DNAJB6: variants seen among roughly 807,000 people sequenced by gnomAD.
DNAJB6 encodes dnaJ homolog subfamily B member 6.
DNAJB6 carries 16 observed loss-of-function variants against 42.7 expected under a neutral mutation model. The observed-to-expected ratio is 0.37, with a 90% CI of 0.25 to 0.57. The LOEUF (loss-of-function observed/expected upper bound fraction) is 0.57, where lower values mean the gene tolerates loss of function less well. Ranked by LOEUF, DNAJB6 falls within the 20% of genes least tolerant of loss-of-function variation. The pLI is 0.74. For missense variants in DNAJB6, 347 were observed against 416.8 expected (o/e 0.83, Z 1.46); for synonymous variants, 170 against 163.5 (o/e 1.04, Z -0.30).
At chr7:157,367,754 G>T (rs940946053) in intron 5 of DNAJB6, among the ~76,000 whole-genome samples, 2 of 152,204 alleles carry the variant, frequency 1.3e-5, no homozygotes, top group Non-Finnish European at 2.9e-5. Context: ...AGCTACTTGG[G>T]AGGCTGAGGC....
chr7:157,404,888 C>T (rs539822057), intron 8 of DNAJB6, among the ~76,000 whole-genome samples: 243 of 152,096 alleles, frequency 1.6e-3, no homozygotes, highest in Admixed American at 3.3e-3. Context: ...ATCCTCCTGC[C>T]TCAGCCTCCC....
intron 8 of DNAJB6, among the ~76,000 whole-genome samples, chr7:157,401,224 T>C (rs1413308537): frequency 6.6e-6 from 1 of 152,182 alleles, no homozygotes; most frequent in Non-Finnish European, 1.5e-5. Context: ...ATATTTCTTT[T>C]TTCTTTTTTT....
At chr7:157,341,055 C>G (rs958551679) in intron 1 of DNAJB6, among the ~76,000 whole-genome samples, 6 of 152,012 alleles carry the variant, frequency 3.9e-5, no homozygotes, top group Admixed American at 2.6e-4. Context: ...CTCCTGGCCT[C>G]AAGTGAGTCT....
At chr7:157,358,501 C>A in intron 1 of DNAJB6, 46 bp from the exon 2 acceptor site, 1 of 1,290,536 alleles carries the variant, frequency 7.7e-7, no homozygotes, top group Non-Finnish European at 1.1e-6. Context: ...CCGTGATTTG[C>A]CCATCCCCAG....
rs188511591 is a variant in DNAJB6 at position 157,366,766 on chromosome 7, T to G, written c.235+205T>G. 2.6e-5 allele frequency among the ~76,000 whole-genome samples: 4 copies of G among 152,386 alleles called. No individual in the cohort carries two copies. In the East Asian group the frequency reaches 7.7e-4, roughly 29 times the overall value. On this transcript the variant is annotated intron_variant, in intron 4 of 9. Coordinates refer to ENST00000262177, the MANE Select transcript of DNAJB6 (RefSeq NM_058246.4). ...ACTAGAAGTATATGTTGATGTATTT[T>G]TTATAGATAGAAACAATTTGTAACC...
intron 8 of DNAJB6, among the ~76,000 whole-genome samples, chr7:157,397,697 C>T (rs1200889902): frequency 6.6e-6 from 1 of 152,254 alleles, no homozygotes; most frequent in African/African-American, 2.4e-5. Context: ...CCGACCTTCA[C>T]GTCTTCATTC....
chr7:157,387,770 T>A (rs1032170712), intron 8 of DNAJB6, among the ~76,000 whole-genome samples: 3 of 151,982 alleles, frequency 2.0e-5, no homozygotes, highest in African/African-American at 7.3e-5. Context: ...TAAGGAATCT[T>A]TCTTGTGAAA....
intron 8 of DNAJB6, among the ~76,000 whole-genome samples, chr7:157,409,549 G>C (rs1349973313): frequency 6.6e-6 from 1 of 152,228 alleles, no homozygotes; most frequent in East Asian, 1.9e-4. Context: ...GGTGGGGCGG[G>C]GAGCCGCTTC....
At chr7:157,343,708 C>T (rs1170497209) in intron 1 of DNAJB6, among the ~76,000 whole-genome samples, 1 of 152,204 alleles carries the variant, frequency 6.6e-6, no homozygotes, top group Admixed American at 6.5e-5. Context: ...CATGGCCTCC[C>T]AAAGTGCTGG....
Position 157,385,077 on chromosome 7 carries a change from C to T in DNAJB6, c.620+69C>T, listed in dbSNP as rs138971819. On this transcript the variant is annotated intron_variant, in intron 7 of 9. Coordinates refer to ENST00000262177, the MANE Select transcript of DNAJB6 (RefSeq NM_058246.4). The stretch of plus-strand genomic sequence containing the variant: ...AACGTTTCACTGGTGCCATGTTGCA[C>T]GTCTCCCAGAGTGTGAAGTAGAGGT... The T allele has an allele frequency of 1.5e-5, 23 of 1,517,150 alleles. No individual in the cohort carries two copies. The East Asian group carries it at 1.8e-4, about 12-fold the overall frequency. The allele number at this position is 1,517,150 out of a possible 1,614,324, so 94.0% of individuals were successfully genotyped here.
intron 8 of DNAJB6, among the ~76,000 whole-genome samples, chr7:157,389,616 G>C (rs1341529900): frequency 1.3e-5 from 2 of 152,228 alleles, no homozygotes; most frequent in African/African-American, 2.4e-5. Flanking sequence ...GGGGGAGCTA[G>C]ATGTAGGCCT....
At chr7:157,393,779 T>C (rs1462158022) in intron 8 of DNAJB6, among the ~76,000 whole-genome samples, 1 of 151,492 alleles carries the variant, frequency 6.6e-6, no homozygotes, top group Non-Finnish European at 1.5e-5. Flanking sequence ...GTGCAGTGGG[T>C]GATGATCAGA....
intron 8 of DNAJB6, among the ~76,000 whole-genome samples, chr7:157,396,380 G>GT (rs533799743): frequency 6.6e-6 from 1 of 152,324 alleles, no homozygotes; most frequent in South Asian, 2.1e-4. Flanking sequence ...CTAGGGTTCC[G>GT]TTTATAAAGA....
At chr7:157,389,625 C>T (rs958537247) in intron 8 of DNAJB6, among the ~76,000 whole-genome samples, 1 of 152,118 alleles carries the variant, frequency 6.6e-6, no homozygotes, top group African/African-American at 2.4e-5. Context: ...AGATGTAGGC[C>T]TTGGTACTAA....
intron 8 of DNAJB6, among the ~76,000 whole-genome samples, chr7:157,407,781 C>G (rs369067370): frequency 6.6e-6 from 1 of 152,184 alleles, no homozygotes; most frequent in South Asian, 2.1e-4. Flanking sequence ...AGCACTGTCG[C>G]CATGTGTCCC....
At chr7:157,340,989 T>TGCGC (rs1369106155) in intron 1 of DNAJB6, among the ~76,000 whole-genome samples, 1 of 74,970 alleles carries the variant, frequency 1.3e-5, no homozygotes, top group African/African-American at 5.7e-5. Flanking sequence ...TGTGTGTGTG[T>TGCGC]GTGTGTGTGC....
At position 157,416,336 on chromosome 7, in the gene DNAJB6, C is replaced by T; in HGVS notation, c.*238C>T. ...CGCGACTCTCTGCTTCTCTCCAGCT[C>T]TCAATCTGCTGCATTTTCCTCTAGT... On this transcript the variant is annotated 3_prime_UTR_variant, in exon 10 of 10. Coordinates refer to ENST00000262177, the MANE Select transcript of DNAJB6 (RefSeq NM_058246.4). 3.7e-6 allele frequency: 2 copies of T among 541,660 alleles called. No homozygotes were observed. Among genetic ancestry groups the T allele is most frequent in the Non-Finnish European group, 6.5e-6 (2 of 307,432 alleles). 33.6% of individuals were successfully genotyped at this position (541,660 alleles called of 1,614,324 possible). A position where few individuals can be genotyped will look rare whatever the true frequency, so the allele number is the denominator to read the frequency against.
At chr7:157,399,154 A>G (rs1048184252) in intron 8 of DNAJB6, among the ~76,000 whole-genome samples, 2 of 152,270 alleles carry the variant, frequency 1.3e-5, no homozygotes, top group Admixed American at 1.3e-4. Context: ...TTCCGCTGAC[A>G]AGTTTGTTGG....
chr7:157,387,973 G>A (rs1329835658), intron 8 of DNAJB6, among the ~76,000 whole-genome samples: 2 of 152,040 alleles, frequency 1.3e-5, no homozygotes, highest in Non-Finnish European at 2.9e-5. Context: ...AGCCTCCTGA[G>A]TAGCTGGGAT....
Sources: allele counts gnomAD v4.1 joint callset (sites outside exome capture counted in the v4.1 genomes callset), GRCh38; gene constraint gnomAD v4.1.1; transcripts MANE v1.5; gene names NCBI Gene and HGNC (gene_info 2026-07-23, HGNC 2026-07-21).